The following NCF4 variants were observed in gnomAD, a reference collection of about 807,000 sequenced individuals.
NCF4 encodes the protein neutrophil cytosol factor 4.
A neutral mutation model predicts 41.7 loss-of-function variants in NCF4; 30 were observed. The ratio of observed to expected loss-of-function variants is 0.72; its 90% CI spans 0.54 to 0.97. The LOEUF is 0.97. NCF4 is among the 50% of genes least tolerant of loss of function. The pLI, the probability that NCF4 is intolerant of heterozygous loss-of-function variation, is 0.00. For synonymous variants in NCF4, 195 were observed against 175.8 expected, an observed-to-expected ratio of 1.11 and a Z score of -0.87; for missense variants, 432 against 460.9, an observed-to-expected ratio of 0.94 and a Z score of 0.57.
chr22:36,877,588 C>T (rs199789872), intron 9 of NCF4, 40 bp from the exon 10 acceptor site: 733 of 1,609,196 alleles, frequency 4.6e-4, no homozygotes, highest in Admixed American at 1.9e-3. Flanking sequence ...CCCTACCTTA[C>T]GCTTAGGCCC....
Position 36,876,020 on chromosome 22 carries a change from C to G in NCF4, c.759-9C>G. The G allele has an allele frequency of 6.2e-7, 1 of 1,614,022 alleles. No individual in the cohort carries two copies. The highest frequency in any genetic ancestry group is 8.5e-7 in the Non-Finnish European group (1 of 1,179,936). On this transcript the variant is annotated splice_polypyrimidine_tract_variant and intron_variant, in intron 8 of 9. Transcript: ENST00000248899. ...GATGCCTCCTTACTCCAGCCTGTCA[C>G]CCCCTTAGGGACATCGCGGTGGAGG... is the stretch of plus-strand genomic sequence containing the variant.
chr22:36,871,583 G>GA, intron 5 of NCF4, 69 bp from the exon 6 acceptor site: 1 of 1,501,704 alleles, frequency 6.7e-7, no homozygotes, highest in Non-Finnish European at 9.1e-7. Context: ...GGCTCCTCTG[G>GA]ACACAGGAGC....
rs558360754 is a variant in NCF4 at position 36,865,647 on chromosome 22, A to T, written c.271+575A>T. Among the ~76,000 whole-genome samples the T allele has an allele frequency of 6.6e-6, 1 of 152,212 alleles. No homozygotes were observed. Among genetic ancestry groups the T allele is most frequent in the Admixed American group, 6.5e-5 (1 of 15,298 alleles). On this transcript the variant is annotated intron_variant, in intron 3 of 9. Coordinates refer to ENST00000248899, the MANE Select transcript of NCF4 (RefSeq NM_000631.5). This position sits in a 1 kb window ranked among gnomAD's most constrained non-coding sequence, Gnocchi z 4.3. ...GCACCTTGGACAGCGCCAAGCCCTTAGCTGCTCAGCACCTGCCCCGCAGGA... is the reference window on the plus strand; with the variant it reads ...GCACCTTGGACAGCGCCAAGCCCTTTGCTGCTCAGCACCTGCCCCGCAGGA...
intron 2 of NCF4, among the ~76,000 whole-genome samples, chr22:36,864,528 T>C (rs1319864232): frequency 6.6e-6 from 1 of 152,124 alleles, no homozygotes; most frequent in Non-Finnish European, 1.5e-5. Flanking sequence ...ACCCCTGTCA[T>C]ATTCAGACAC....
At chr22:36,876,219 C>T (rs1490232789) in intron 9 of NCF4, 125 bp downstream of exon 9, 2 of 986,932 alleles carry the variant, frequency 2.0e-6, no homozygotes, top group African/African-American at 3.3e-5. Flanking sequence ...TTTTTATCCG[C>T]AGCCCAGCCC....
intron 5 of NCF4, 29 bp from the exon 6 acceptor site, chr22:36,871,623 G>A: frequency 6.4e-7 from 1 of 1,554,704 alleles, no homozygotes; most frequent in Non-Finnish European, 8.7e-7. Context: ...GAATCACAGG[G>A]CTAACAAGCC....
chr22:36,875,886 C>A (rs749205598), intron 8 of NCF4, 103 bp downstream of exon 8: 1 of 1,614,210 alleles, frequency 6.2e-7, no homozygotes, highest in South Asian at 1.1e-5. Flanking sequence ...ACTCCAAAGC[C>A]CCCAGTGGCT....
chr22:36,867,281 C>A, intron 3 of NCF4, 111 bp from the exon 4 acceptor site: 1 of 1,103,918 alleles, frequency 9.1e-7, no homozygotes, highest in Non-Finnish European at 1.4e-6. Flanking sequence ...GGGAAGAATG[C>A]TGAGCCATCG....
chr22:36,863,407 A>G (rs773415145), intron 1 of NCF4, among the ~76,000 whole-genome samples: 98 of 151,474 alleles, frequency 6.5e-4, no homozygotes, highest in Non-Finnish European at 1.2e-3. Flanking sequence ...TGCTGCGCCT[A>G]TGCCTCGAGC....
chr22:36,876,036 G>A lies in NCF4; in HGVS notation c.766G>A (p.Ala256Thr), dbSNP rs773520052. 29 of 1,612,652 alleles carry A rather than the reference G, an allele frequency of 1.8e-5. No homozygotes were observed. The highest frequency in any genetic ancestry group is 6.7e-5 in the African/African-American group (5 of 74,834). Residue 256 changes from alanine to threonine, a missense_variant, in exon 9 of 10, where the codon GCG becomes ACG. Physicochemically the swap from Ala to Thr is moderately conservative, Grantham distance 58. Transcript: ENST00000248899. The stretch of plus-strand genomic sequence containing the variant: ...AGCCTGTCACCCCCTTAGGGACATC[G>A]CGGTGGAGGAAGATCTCAGCAGCAC... The part of the protein sequence containing the change: ...EDTISTIKDI[A>T]VEEDLSSTPL...
intron 7 of NCF4, among the ~76,000 whole-genome samples, chr22:36,872,838 G>T (rs1940101742): frequency 7.0e-6 from 1 of 141,906 alleles, no homozygotes; most frequent in Non-Finnish European, 1.5e-5. Flanking sequence ...ATGGAGGTAA[G>T]GGTGGACGTG....
chr22:36,864,797 G>T, intron 2 of NCF4, 122 bp from the exon 3 acceptor site: 1 of 1,218,552 alleles, frequency 8.2e-7, no homozygotes, highest in South Asian at 1.3e-5. Context: ...CTTCTCCAGA[G>T]ACCCTTCTGC....
At chr22:36,871,613 G>A (rs372216896) in intron 5 of NCF4, 39 bp from the exon 6 acceptor site, 486 of 1,549,634 alleles carry the variant, frequency 3.1e-4, no homozygotes, top group Non-Finnish European at 3.9e-4. Flanking sequence ...GGCCCTGAGA[G>A]AATCACAGGG....
chr22:36,874,766 C>T (rs893554873), intron 7 of NCF4, among the ~76,000 whole-genome samples: 1 of 152,220 alleles, frequency 6.6e-6, no homozygotes, highest in African/African-American at 2.4e-5. Context: ...AAAGCCCAGG[C>T]CATGGCCGGG....
At chr22:36,867,955 G>C (rs191049356) in intron 4 of NCF4, among the ~76,000 whole-genome samples, 261 of 152,324 alleles carry the variant, frequency 1.7e-3, no homozygotes, top group African/African-American at 2.3e-3. Context: ...ACTCCCTTAC[G>C]TGAACATGGG....
rs768718576 is a variant in NCF4, at chr22:36,872,315, G to C, written c.529-12G>C. ...TTCTCTCCTTCCCTCCTTACTGCAC[G>C]CTTCTCCTCAGGCTCTATTTGACTT... On this transcript the variant is annotated splice_polypyrimidine_tract_variant and intron_variant, in intron 6 of 9. Transcript: ENST00000248899. 2 of 1,575,996 alleles carry C rather than the reference G, an allele frequency of 1.3e-6. No individual in the cohort carries two copies. Among genetic ancestry groups the C allele is most frequent in the South Asian group, 2.2e-5 (2 of 90,250 alleles).
At chr22:36,871,182 A>G (rs1940046511) in intron 5 of NCF4, among the ~76,000 whole-genome samples, 1 of 152,142 alleles carries the variant, frequency 6.6e-6, no homozygotes, top group African/African-American at 2.4e-5. Flanking sequence ...CATGCCTGGC[A>G]TCTCCCCTGT....
chr22:36,876,157 TG>T (rs1447605630), intron 9 of NCF4, 63 bp downstream of exon 9: 31 of 1,436,676 alleles, frequency 2.2e-5, no homozygotes, highest in Admixed American at 1.8e-4. Flanking sequence ...CAGGGAGAAA[TG>T]TTAAGCACTA....
At chr22:36,876,984 C>A (rs903132507) in intron 9 of NCF4, among the ~76,000 whole-genome samples, 4 of 151,386 alleles carry the variant, frequency 2.6e-5, no homozygotes, top group Non-Finnish European at 2.9e-5. Flanking sequence ...AGGTTCTCCT[C>A]AATAGCCTCA....
Sources: allele counts gnomAD v4.1 joint callset (sites outside exome capture counted in the v4.1 genomes callset), GRCh38; gene constraint gnomAD v4.1.1; non-coding constraint Gnocchi (gnomAD v3.1); transcripts MANE v1.5; gene names NCBI Gene and HGNC (gene_info 2026-07-23, HGNC 2026-07-21).